The following RYR1 variants were observed in gnomAD, a reference collection of about 807,000 sequenced individuals.
RYR1 encodes ryanodine receptor 1, also known as central core disease of muscle.
Under a neutral mutation model 583.5 loss-of-function variants are expected in RYR1, and 342 were observed. The observed-to-expected ratio is 0.59, with a 90% CI of 0.54 to 0.64. RYR1 has a LOEUF of 0.64. Ranked by LOEUF, RYR1 falls within the 30% of genes least tolerant of loss-of-function variation. RYR1 has a pLI of 0.00. For synonymous variants in RYR1, 2,791 were observed against 2,822.5 expected, an observed-to-expected ratio of 0.99 and a Z score of 0.35; for missense variants, 6,032 against 6,917.2, an observed-to-expected ratio of 0.87 and a Z score of 4.54.
At chr19:38,503,973 A>G (rs559477692) in intron 49 of RYR1, among the ~76,000 whole-genome samples, 11 of 152,296 alleles carry the variant, frequency 7.2e-5, no homozygotes, top group African/African-American at 2.4e-4. Flanking sequence ...AATACCAGAC[A>G]CAACCAGCTC....
rs762397196 is a variant in RYR1, at chr19:38,473,420, G to A, written c.3809G>A (p.Arg1270His). 1.2e-5 allele frequency: 20 copies of A among 1,613,720 alleles called. No homozygotes were observed. Among genetic ancestry groups the A allele is most frequent in the African/African-American group, 2.7e-5 (2 of 74,890 alleles). The change falls in exon 28 of 106, where the codon CGC becomes CAC. Residue 1270 changes from arginine to histidine, a missense_variant. Arg to His is a conservative substitution (Grantham distance 29). This residue lies in a region of RYR1 where 2,627 missense variants were observed against 2,961.3 expected (regional missense o/e 0.89). Coordinates refer to ENST00000359596, the MANE Select transcript of RYR1 (RefSeq NM_000540.3). ...DGTVDTPPCL[R>H]LTHRTWGSQN... ...ACTGTGGACACGCCCCCCTGCCTGC[G>A]CCTGACCCACCGCACCTGGGGCTCC...
intron 64 of RYR1, among the ~76,000 whole-genome samples, chr19:38,515,555 A>T (rs1033585218): frequency 6.6e-6 from 1 of 152,154 alleles, no homozygotes; most frequent in African/African-American, 2.4e-5. Flanking sequence ...GCACTTTGGG[A>T]GGCTGAGGCG....
chr19:38,443,047 C>T (rs182864794), intron 3 of RYR1, among the ~76,000 whole-genome samples: 3 of 152,310 alleles, frequency 2.0e-5, no homozygotes, highest in Non-Finnish European at 2.9e-5. Context: ...AGTCAGATGT[C>T]TGCCCCAAGG....
At chr19:38,463,571 GGT>G (rs1967907281) in intron 21 of RYR1, 44 bp downstream of exon 21, 1 of 1,579,478 alleles carries the variant, frequency 6.3e-7, no homozygotes, top group African/African-American at 1.3e-5. Context: ...CTAGACTTGC[GGT>G]GCCAGGAGGG....
In RYR1 at chr19:38,475,072, A is replaced by C. The variant is rs56278664; in HGVS notation, c.4161-246A>C. 0.19 allele frequency among the ~76,000 whole-genome samples: 29,418 copies of C among 152,084 alleles called. 4,410 individuals carry two copies. Among genetic ancestry groups the C allele is most frequent in the African/African-American group, 0.42 (17,255 of 41,430 alleles). On this transcript the variant is annotated intron_variant, in intron 28 of 105. Transcript: ENST00000359596. Reference sequence around the variant, plus strand: ...GCTGACTTAGGGGGACCCCCATATAACCCAGTGGGGACCTCCATATTCCCA... The same window carrying C: ...GCTGACTTAGGGGGACCCCCATATACCCCAGTGGGGACCTCCATATTCCCA...
At chr19:38,441,816 T>C (rs1438117774) in intron 2 of RYR1, among the ~76,000 whole-genome samples, 1 of 151,462 alleles carries the variant, frequency 6.6e-6, no homozygotes, top group Non-Finnish European at 1.5e-5. Flanking sequence ...GGTGGGAGAC[T>C]GAGGAGGGAG....
At chr19:38,549,251 G>A (rs1027928092) in intron 89 of RYR1, among the ~76,000 whole-genome samples, 2 of 152,030 alleles carry the variant, frequency 1.3e-5, no homozygotes, top group Non-Finnish European at 2.9e-5. Context: ...TTTCTTCTGA[G>A]CCTCAGTTTC....
rs970909296 is a variant in RYR1 at position 38,519,247 on chromosome 19, C to T, written c.10052C>T (p.Pro3351Leu). The change falls in exon 67 of 106, where the codon CCG becomes CTG. Residue 3351 changes from proline (P) to leucine (L), a missense_variant. Around this residue, in one of 11 missense-constraint regions of RYR1, gnomAD observed 1,493 missense variants for 1,715.5 expected, o/e 0.87. Coordinates refer to ENST00000359596, the MANE Select transcript of RYR1 (RefSeq NM_000540.3). ...FAQPIVSRAR[P>L]ELLQSHFIPT... ...CAGCCCATTGTGAGCCGTGCACGGC[C>T]GGAGCTCCTGCAGTCCCACTTCATC... 4 of 1,613,974 alleles carry T rather than the reference C, an allele frequency of 2.5e-6. No homozygotes were observed. Among genetic ancestry groups the T allele is most frequent in the Admixed American group, 3.3e-5 (2 of 60,002 alleles).
At chr19:38,447,333 G>A (rs1377753160) in intron 9 of RYR1, among the ~76,000 whole-genome samples, 1 of 151,988 alleles carries the variant, frequency 6.6e-6, no homozygotes, top group Non-Finnish European at 1.5e-5. Context: ...TTGAGGTCAG[G>A]AGTTCCAGAC....
intron 29 of RYR1, among the ~76,000 whole-genome samples, chr19:38,476,348 G>A (rs1014237127): frequency 2.0e-5 from 3 of 152,104 alleles, no homozygotes; most frequent in East Asian, 3.8e-4. Flanking sequence ...ATGGGCACAC[G>A]CCACCATGCC....
In RYR1 at chr19:38,435,999, C is replaced by T. The variant is rs566076989; in HGVS notation, c.45+2125C>T. ...TCGCAGCTCACTGCAACCTCTGCCT[C>T]CTGGGTTCAAGCGATTCTTCTGCCT... On this transcript the variant is annotated intron_variant, in intron 1 of 105. Coordinates refer to ENST00000359596, the MANE Select transcript of RYR1 (RefSeq NM_000540.3). 4.2e-4 allele frequency among the ~76,000 whole-genome samples: 64 copies of T among 151,508 alleles called. 2 individuals carry two copies. The South Asian group carries it at 0.013, about 31-fold the overall frequency.
intron 87 of RYR1, 106 bp from the exon 88 acceptor site, chr19:38,546,339 G>C (rs1247804374): frequency 2.2e-6 from 2 of 894,592 alleles, no homozygotes; most frequent in Non-Finnish European, 3.7e-6. Context: ...AGGTAAGAGG[G>C]GAGAAAACGG....
chr19:38,440,773 C>G lies in RYR1; in HGVS notation c.74C>G (p.Ala25Gly), dbSNP rs1349001916. The G allele has an allele frequency of 1.9e-6, 3 of 1,609,002 alleles. No individual in the cohort carries two copies. Among genetic ancestry groups the G allele is most frequent in the Non-Finnish European group, 2.5e-6 (3 of 1,178,798 alleles). Residue 25 changes from alanine to glycine, a missense_variant, in exon 2 of 106, where the codon GCT becomes GGT. By Grantham distance (60) the Ala-to-Gly change is moderately conservative. This residue lies in a region of RYR1 where 71 missense variants were observed against 75.3 expected (regional missense o/e 0.94). Transcript: ENST00000359596. Reference sequence around the variant, plus strand: ...GATGAGGTGGTCCTGCAGTGCAGCGCTACCGTGCTCAAGGAGCAGCTCAAG... The same window carrying G: ...GATGAGGTGGTCCTGCAGTGCAGCGGTACCGTGCTCAAGGAGCAGCTCAAG... ...TDDEVVLQCS[A>G]TVLKEQLKLC...
intron 94 of RYR1, among the ~76,000 whole-genome samples, chr19:38,571,432 A>G (rs944133059): frequency 3.9e-5 from 6 of 152,156 alleles, no homozygotes; most frequent in African/African-American, 1.4e-4. Context: ...TCCGGAATTC[A>G]AGACCAGCCT....
Position 38,483,130 on chromosome 19 carries a change from G to A in RYR1, c.4707+17G>A, listed in dbSNP as rs1423706745. Reference sequence around the variant, plus strand: ...AAGCAGAAGGTACAAGTGCAGTGATGGGGGCACTAATGGGGCCAGGCTGAG... The same window carrying A: ...AAGCAGAAGGTACAAGTGCAGTGATAGGGGCACTAATGGGGCCAGGCTGAG... On this transcript the variant is annotated intron_variant, in intron 32 of 105. Transcript: ENST00000359596. The surrounding 1 kb of genome is among the most constrained non-coding windows in gnomAD (Gnocchi z 6.3). The A allele has an allele frequency of 3.1e-6, 5 of 1,610,982 alleles. No homozygotes were observed. The highest frequency in any genetic ancestry group is 2.7e-5 in the African/African-American group (2 of 74,966).
chr19:38,485,634 G>T lies in RYR1; in HGVS notation c.4979G>T (p.Arg1660Leu). 1 of 1,608,602 alleles carries T rather than the reference G, an allele frequency of 6.2e-7. No homozygotes were observed. The highest frequency in any genetic ancestry group is 2.2e-5 in the East Asian group (1 of 44,886). ...LELSERLDLQ[R>L]FHSHTLRLYR... ...CTGTCGGAGCGCCTGGACCTGCAGC[G>T]CTTCCACTCGCACACCCTGCGCCTC... The change falls in exon 34 of 106, where the codon CGC becomes CTC. Residue 1660 changes from arginine (R) to leucine (L), a missense_variant. Transcript: ENST00000359596.
rs71165555 is a variant in RYR1 at position 38,520,693 on chromosome 19, C to CAAAAAAAAAAAAAAAAAAAAAAA, written c.10259+1243_10259+1265dup. Reference sequence around the variant, plus strand: ...CTAGGAACAGAGCGAGGCTCCACCTCAAAAAAAAAAAAAAAAAAAAAAAAA... The same window carrying CAAAAAAAAAAAAAAAAAAAAAAA: ...CTAGGAACAGAGCGAGGCTCCACCTCAAAAAAAAAAAAAAAAAAAAAAAAAAAAAAAAAAAAAAAAAAAAAAAA... On this transcript the variant is annotated intron_variant, in intron 67 of 105. Transcript: ENST00000359596. Among the ~76,000 whole-genome samples, 63 of 46,902 alleles carry CAAAAAAAAAAAAAAAAAAAAAAA rather than the reference C, an allele frequency of 1.3e-3. 1 individual carries two copies. The highest frequency in any genetic ancestry group is 3.1e-3 in the South Asian group (2 of 648). 30.8% of individuals were successfully genotyped at this position (46,902 alleles called of 152,430 possible).
chr19:38,574,310 G>C (rs971395771), intron 96 of RYR1, among the ~76,000 whole-genome samples: 5 of 140,952 alleles, frequency 3.5e-5, no homozygotes, highest in African/African-American at 1.3e-4. Flanking sequence ...AAAAAAGAAA[G>C]AAAAGAAATC....
Position 38,585,927 on chromosome 19 carries a change from T to A in RYR1, c.14804-11T>A. On this transcript the variant is annotated splice_polypyrimidine_tract_variant and intron_variant, in intron 102 of 105. Coordinates refer to ENST00000359596, the MANE Select transcript of RYR1 (RefSeq NM_000540.3). ...AGAGGTCGGGCACTGACTTGTGTCC[T>A]GCCACCCCAGGTCTGATCATCGACG... is the stretch of plus-strand genomic sequence containing the variant. The A allele has an allele frequency of 6.2e-7, 1 of 1,614,062 alleles. No homozygotes were observed. Among genetic ancestry groups the A allele is most frequent in the Non-Finnish European group, 8.5e-7 (1 of 1,180,010 alleles).
Sources: allele counts gnomAD v4.1 joint callset (sites outside exome capture counted in the v4.1 genomes callset), GRCh38; gene constraint gnomAD v4.1.1; regional missense constraint gnomAD v4.1.1; non-coding constraint Gnocchi (gnomAD v3.1); transcripts MANE v1.5; gene names NCBI Gene and HGNC (gene_info 2026-07-23, HGNC 2026-07-21).